Variants in NAV3 observed in about 807,000 individuals in gnomAD.
NAV3 encodes neuron navigator 3, also known as pore membrane and/or filament interacting like protein 1.
In NAV3, 87 loss-of-function variants were observed where a neutral mutation model predicts 244.7. The ratio of observed to expected loss-of-function variants is 0.36; its 90% CI spans 0.30 to 0.42. The LOEUF is 0.42. Among genes scored for constraint, NAV3 ranks in the 20% least tolerant of loss-of-function variants. The pLI, the probability that NAV3 is intolerant of heterozygous loss-of-function variation, is 1.00. For missense variants in NAV3, 2,663 were observed against 2,893.3 expected (o/e 0.92, Z 1.83); for synonymous variants, 1,126 against 1,042.2 (o/e 1.08, Z -1.55).
At chr12:77,907,024 T>G (rs1886057616) in intron 1 of NAV3, among the ~76,000 whole-genome samples, 1 of 152,134 alleles carries the variant, frequency 6.6e-6, no homozygotes, top group Non-Finnish European at 1.5e-5. Flanking sequence ...GACTCCATTA[T>G]CTCTACTTTC....
intron 2 of NAV3, among the ~76,000 whole-genome samples, chr12:77,577,973 T>A (rs779239746): frequency 1.3e-5 from 2 of 152,076 alleles, no homozygotes; most frequent in Non-Finnish European, 2.9e-5. Flanking sequence ...ATTTTTGTGG[T>A]TTTCTTACAG....
At chr12:77,990,256 G>A (rs1324972772) in intron 5 of NAV3, among the ~76,000 whole-genome samples, 1 of 152,144 alleles carries the variant, frequency 6.6e-6, no homozygotes, top group Non-Finnish European at 1.5e-5. Flanking sequence ...CTAAAACTGG[G>A]GGTTTATATA....
chr12:78,205,033 A>C lies in NAV3; in HGVS notation c.6933A>C (p.Leu2311Phe), dbSNP rs1960141971. The C allele has an allele frequency of 6.2e-7, 1 of 1,613,502 alleles. No homozygotes were observed. ...CTCTGCCTCAGGAGAGCCCAGCCTT[A>C]CTTCAGCTGCGACCAGAAGATGTTG... ...SATLPQESPA[L>F]LQLRPEDVGY... Residue 2311 changes from leucine (L) to phenylalanine (F), a missense_variant, in exon 39 of 40, where the codon TTA becomes TTC. By Grantham distance (22) the Leu-to-Phe change is conservative (BLOSUM62 0). Coordinates refer to ENST00000397909, the MANE Select transcript of NAV3 (RefSeq NM_001024383.2).
intron 12 of NAV3, among the ~76,000 whole-genome samples, chr12:78,071,269 A>C (rs2137627739): frequency 6.6e-6 from 1 of 152,194 alleles, no homozygotes; most frequent in African/African-American, 2.4e-5. Flanking sequence ...ATGGTATCTC[A>C]CTGTGGTTTT....
At chr12:77,674,395 T>C (rs560542919) in intron 2 of NAV3, among the ~76,000 whole-genome samples, 1 of 152,146 alleles carries the variant, frequency 6.6e-6, no homozygotes, top group Non-Finnish European at 1.5e-5. Flanking sequence ...TATACTTTTT[T>C]TTTTTTTTGA....
intron 3 of NAV3, among the ~76,000 whole-genome samples, chr12:77,946,626 G>A (rs978598661): frequency 6.6e-6 from 1 of 151,850 alleles, no homozygotes; most frequent in Non-Finnish European, 1.5e-5. Flanking sequence ...CTAGGTGGGC[G>A]GCATCAGGAT....
At chr12:77,994,971 A>T in intron 6 of NAV3, 100 bp downstream of exon 6, 3 of 823,858 alleles carry the variant, frequency 3.6e-6, no homozygotes, top group Non-Finnish European at 5.7e-6. Flanking sequence ...GCACTTCTGA[A>T]TGAGAAGTTT....
At chr12:77,918,539 G>A (rs1243152358) in intron 1 of NAV3, among the ~76,000 whole-genome samples, 2 of 152,000 alleles carry the variant, frequency 1.3e-5, no homozygotes, top group Admixed American at 6.6e-5. Flanking sequence ...TCACAATTTT[G>A]TGGGTTATCT....
At chr12:78,023,183 T>C (rs1409836539) in intron 9 of NAV3, among the ~76,000 whole-genome samples, 1 of 152,226 alleles carries the variant, frequency 6.6e-6, no homozygotes, top group Non-Finnish European at 1.5e-5. Context: ...ATCTTTAGGA[T>C]AAATGAATTT....
intron 1 of NAV3, among the ~76,000 whole-genome samples, chr12:77,938,914 G>C (rs1216691843): frequency 6.9e-6 from 1 of 145,544 alleles, no homozygotes; most frequent in African/African-American, 2.6e-5. Flanking sequence ...AGCCAAATTT[G>C]GTTTAAAATG....
intron 2 of NAV3, among the ~76,000 whole-genome samples, chr12:77,703,536 G>C (rs1424257971): frequency 2.0e-5 from 3 of 152,202 alleles, no homozygotes; most frequent in Admixed American, 6.5e-5. Context: ...CATGATAAAT[G>C]TCTAGGAATA....
rs2140032155 is a variant in NAV3, at chr12:78,200,567, G to A, written c.6810G>A (p.Leu2270=). ...ACTATTCTTTAGTACCTTATATTCT[G>A]GAGGCAGTGAGAGAGGGTCTTCAGG... ...LWNYSLVPYI[L]EAVREGLQMY... Residue 2270 remains leucine, a synonymous_variant, in exon 38 of 40, where the codon CTG becomes CTA. Transcript: ENST00000397909. The A allele has an allele frequency of 6.3e-7, 1 of 1,577,260 alleles. No homozygotes were observed. Among genetic ancestry groups the A allele is most frequent in the Non-Finnish European group, 8.6e-7 (1 of 1,159,570 alleles).
At chr12:78,049,484 T>C (rs923068707) in intron 9 of NAV3, among the ~76,000 whole-genome samples, 3 of 152,184 alleles carry the variant, frequency 2.0e-5, no homozygotes, top group African/African-American at 7.2e-5. Context: ...CCCTTTGCAC[T>C]TCCCAGGTGA....
Position 78,205,028 on chromosome 12 carries a change from G to A in NAV3, c.6928G>A (p.Ala2310Thr). Residue 2310 changes from alanine (A) to threonine (T), a missense_variant, in exon 39 of 40, where the codon GCC becomes ACC. Ala to Thr is a moderately conservative substitution (Grantham distance 58). Transcript: ENST00000397909. ...AGCAACTCTGCCTCAGGAGAGCCCAGCCTTACTTCAGCTGCGACCAGAAGA... is the reference window on the plus strand; with the variant it reads ...AGCAACTCTGCCTCAGGAGAGCCCAACCTTACTTCAGCTGCGACCAGAAGA... ...SSATLPQESP[A>T]LLQLRPEDVG... is the part of the protein sequence containing the mutation. 6.2e-7 allele frequency: 1 copy of A among 1,613,584 alleles called. No individual in the cohort carries two copies. The highest frequency in any genetic ancestry group is 1.3e-5 in the African/African-American group (1 of 75,014).
intron 2 of NAV3, among the ~76,000 whole-genome samples, chr12:77,770,189 T>C (rs1040527193): frequency 3.9e-5 from 6 of 152,248 alleles, no homozygotes; most frequent in Admixed American, 1.3e-4. Context: ...GGGGAGTTGT[T>C]CTTTACTTTA....
chr12:78,189,038 G>A (rs1958853356), intron 33 of NAV3, among the ~76,000 whole-genome samples: 1 of 151,844 alleles, frequency 6.6e-6, no homozygotes, highest in African/African-American at 2.4e-5. Context: ...TGTGATTTAG[G>A]AATTTCAAAT....
intron 12 of NAV3, among the ~76,000 whole-genome samples, chr12:78,101,191 A>G (rs1019481467): frequency 6.6e-6 from 1 of 152,240 alleles, no homozygotes; most frequent in Non-Finnish European, 1.5e-5. Context: ...TTGGGCAGTG[A>G]GACTCTGAAA....
At chr12:78,179,769 T>G in intron 29 of NAV3, 87 bp downstream of exon 29, 1 of 1,430,898 alleles carries the variant, frequency 7.0e-7, no homozygotes, top group Non-Finnish European at 9.4e-7. Flanking sequence ...CAGAATAAAT[T>G]CCACTTGGAA....
At chr12:78,004,922 T>C (rs1220089607) in intron 7 of NAV3, among the ~76,000 whole-genome samples, 1 of 152,322 alleles carries the variant, frequency 6.6e-6, no homozygotes, top group African/African-American at 2.4e-5. Context: ...AGAGTCCCTC[T>C]TGTTTCAGTT....
Sources: allele counts gnomAD v4.1 joint callset (sites outside exome capture counted in the v4.1 genomes callset), GRCh38; gene constraint gnomAD v4.1.1; transcripts MANE v1.5; gene names NCBI Gene and HGNC (gene_info 2026-07-23, HGNC 2026-07-21).